Variants in SPATA17 observed in about 807,000 individuals in gnomAD.
The protein encoded by SPATA17 is spermatogenesis-associated protein 17.
SPATA17 carries 53 observed loss-of-function variants against 62.2 expected under a neutral mutation model. The observed-to-expected ratio is 0.85, with a 90% CI of 0.68 to 1.07. SPATA17 has a LOEUF of 1.07. SPATA17 is among the 50% of genes least tolerant of loss of function. The pLI, the probability that SPATA17 is intolerant of heterozygous loss-of-function variation, is 0.00. For synonymous variants in SPATA17, 146 were observed against 146.8 expected (o/e 0.99, Z 0.04); for missense variants, 466 against 425.5 (o/e 1.10, Z -0.84).
Position 217,704,551 on chromosome 1 carries a change from T to C in SPATA17, c.395+21190T>C, listed in dbSNP as rs1671689380. On this transcript the variant is annotated intron_variant, in intron 5 of 10. Transcript: ENST00000366933. ...AGGCGTGAGCCACCGCGCCCGGCCCTTCCCTCTACCTTTAAGTGGTCTCTG... is the reference window on the plus strand; with the variant it reads ...AGGCGTGAGCCACCGCGCCCGGCCCCTCCCTCTACCTTTAAGTGGTCTCTG... Among the ~76,000 whole-genome samples, 4 of 152,270 alleles carry C rather than the reference T, an allele frequency of 2.6e-5. No individual in the cohort carries two copies. In the South Asian group the frequency reaches 8.3e-4, roughly 32 times the overall value.
At chr1:217,755,934 G>T (rs1673030908) in intron 6 of SPATA17, among the ~76,000 whole-genome samples, 1 of 151,720 alleles carries the variant, frequency 6.6e-6, no homozygotes, top group Non-Finnish European at 1.5e-5. Flanking sequence ...AGTTTTCCTT[G>T]CTTTTTCAAG....
At chr1:217,839,321 C>T (rs946625238) in intron 9 of SPATA17, among the ~76,000 whole-genome samples, 1 of 152,060 alleles carries the variant, frequency 6.6e-6, no homozygotes, top group Non-Finnish European at 1.5e-5. Flanking sequence ...TTGTCCCCAC[C>T]AGTTCTAACA....
At chr1:217,718,872 CA>C (rs1225558274) in intron 5 of SPATA17, among the ~76,000 whole-genome samples, 1 of 151,934 alleles carries the variant, frequency 6.6e-6, no homozygotes, top group African/African-American at 2.4e-5. Context: ...CAAAACAAAA[CA>C]AACAAAAAAA....
At chr1:217,802,488 C>A (rs6604563) in intron 9 of SPATA17, among the ~76,000 whole-genome samples, 112,514 of 151,930 alleles carry the variant, frequency 0.74, 42,168 homozygotes, top group Non-Finnish European at 0.8. Context: ...GTCTGAGATT[C>A]CTGCCAACAT....
intron 6 of SPATA17, among the ~76,000 whole-genome samples, chr1:217,773,806 C>A (rs1356725171): frequency 3.3e-5 from 5 of 151,804 alleles, no homozygotes; most frequent in Admixed American, 1.3e-4. Context: ...TAGGTGATAC[C>A]AATTTGATTA....
At chr1:217,641,472 G>A (rs960411372) in intron 1 of SPATA17, among the ~76,000 whole-genome samples, 20 of 152,024 alleles carry the variant, frequency 1.3e-4, no homozygotes, top group African/African-American at 4.8e-4. Context: ...TCAAGACAAG[G>A]ATTTTTAAAT....
intron 9 of SPATA17, among the ~76,000 whole-genome samples, chr1:217,844,282 A>G (rs1033960141): frequency 1.3e-5 from 2 of 152,122 alleles, no homozygotes; most frequent in African/African-American, 2.4e-5. Flanking sequence ...TTCTCTGCCC[A>G]GAGGGAGACC....
At chr1:217,722,482 T>G (rs1003929694) in intron 5 of SPATA17, among the ~76,000 whole-genome samples, 1 of 151,888 alleles carries the variant, frequency 6.6e-6, no homozygotes, top group African/African-American at 2.4e-5. Context: ...AAAATACAAA[T>G]AGCAAACATT....
intron 5 of SPATA17, among the ~76,000 whole-genome samples, chr1:217,707,504 A>G (rs529958403): frequency 6.6e-5 from 10 of 152,102 alleles, no homozygotes; most frequent in South Asian, 4.2e-4. Flanking sequence ...ATCGTGTTCT[A>G]TTTCTCAAGG....
In SPATA17 at chr1:217,789,605, A is replaced by G. The variant is rs185739960; in HGVS notation, c.872+7283A>G. Among the ~76,000 whole-genome samples, 43 of 152,314 alleles carry G rather than the reference A, an allele frequency of 2.8e-4. 1 individual carries two copies. The East Asian group carries it at 7.1e-3, about 25-fold the overall frequency. On this transcript the variant is annotated intron_variant, in intron 8 of 10. Transcript: ENST00000366933. Reference sequence around the variant, plus strand: ...AGCAGAAGCTACAGGCAAAATCATAAATCAATACATGGAGGTCACACATTA... The same window carrying G: ...AGCAGAAGCTACAGGCAAAATCATAGATCAATACATGGAGGTCACACATTA...
At chr1:217,842,538 T>C (rs1350696380) in intron 9 of SPATA17, among the ~76,000 whole-genome samples, 7 of 151,992 alleles carry the variant, frequency 4.6e-5, no homozygotes, top group Non-Finnish European at 7.4e-5. Flanking sequence ...TTTGACCTAT[T>C]CAACTAAATT....
At chr1:217,820,100 C>A (rs1441075294) in intron 9 of SPATA17, among the ~76,000 whole-genome samples, 1 of 151,894 alleles carries the variant, frequency 6.6e-6, no homozygotes, top group African/African-American at 2.4e-5. Flanking sequence ...ATGAGCTTTC[C>A]AATTTCAAAA....
chr1:217,760,386 C>T (rs576542282), intron 6 of SPATA17, among the ~76,000 whole-genome samples: 1 of 152,236 alleles, frequency 6.6e-6, no homozygotes, highest in African/African-American at 2.4e-5. Flanking sequence ...TCACTTAGCT[C>T]AATTAATAAT....
intron 9 of SPATA17, among the ~76,000 whole-genome samples, chr1:217,858,434 AT>A (rs1210362709): frequency 6.6e-6 from 1 of 152,218 alleles, no homozygotes; most frequent in African/African-American, 2.4e-5. Flanking sequence ...TGAGGTAGAT[AT>A]CCCCATGTTA....
At chr1:217,796,424 G>T (rs535900770) in intron 8 of SPATA17, among the ~76,000 whole-genome samples, 8 of 152,140 alleles carry the variant, frequency 5.3e-5, no homozygotes, top group African/African-American at 1.9e-4. Flanking sequence ...CTGAAGCTAA[G>T]AAAAATGTAA....
chr1:217,716,842 G>C (rs549429965), intron 5 of SPATA17, among the ~76,000 whole-genome samples: 1 of 152,204 alleles, frequency 6.6e-6, no homozygotes, highest in African/African-American at 2.4e-5. Context: ...CATTTATTTA[G>C]CACCTATCGT....
chr1:217,777,676 A>G (rs1432665198), intron 7 of SPATA17, among the ~76,000 whole-genome samples: 3 of 152,172 alleles, frequency 2.0e-5, no homozygotes, highest in South Asian at 2.1e-4. Context: ...TGCTGGGATT[A>G]CAGGAATAAG....
At chr1:217,865,834 G>T (rs1372813469) in intron 10 of SPATA17, among the ~76,000 whole-genome samples, 1 of 152,146 alleles carries the variant, frequency 6.6e-6, no homozygotes, top group African/African-American at 2.4e-5. Context: ...AATGGGCTTT[G>T]GTCCAGGCTG....
intron 8 of SPATA17, among the ~76,000 whole-genome samples, chr1:217,789,716 TAAGA>T (rs1466053541): frequency 2.0e-5 from 3 of 151,916 alleles, no homozygotes; most frequent in Admixed American, 6.5e-5. Flanking sequence ...GGCAATTGGC[TAAGA>T]AAGAGAAACT....
Sources: gnomAD v4.1 joint callset for allele counts (sites outside exome capture counted in the v4.1 genomes callset) on GRCh38, gnomAD v4.1.1 for gene constraint, MANE v1.5 for transcripts, NCBI Gene and HGNC (gene_info 2026-07-23, HGNC 2026-07-21) for gene names.